The following CERS3 variants were observed in gnomAD, a reference collection of about 807,000 sequenced individuals.
CERS3 encodes the protein ceramide synthase 3, also known as LAG1 homolog, ceramide synthase 3.
Under a neutral mutation model 50.3 loss-of-function variants are expected in CERS3, and 33 were observed. The observed-to-expected ratio is 0.66, with a 90% CI of 0.50 to 0.88. CERS3 has a LOEUF of 0.88. Ranked by LOEUF, CERS3 falls within the 40% of genes least tolerant of loss-of-function variation. The pLI is 0.00. For synonymous variants in CERS3, 176 were observed against 155.2 expected, an observed-to-expected ratio of 1.13 and a Z score of -0.99; for missense variants, 470 against 460.3, an observed-to-expected ratio of 1.02 and a Z score of -0.19.
At chr15:100,410,446 C>T (rs1392447883) in intron 11 of CERS3, among the ~76,000 whole-genome samples, 3 of 152,158 alleles carry the variant, frequency 2.0e-5, no homozygotes, top group Non-Finnish European at 2.9e-5. Flanking sequence ...CCAGGAGAAA[C>T]TGAAAACCCT....
At chr15:100,435,634 A>C (rs923502976) in intron 11 of CERS3, among the ~76,000 whole-genome samples, 3 of 152,234 alleles carry the variant, frequency 2.0e-5, no homozygotes, top group African/African-American at 7.2e-5. Flanking sequence ...GGATCTAATT[A>C]AACTAAAGAG....
At chr15:100,483,787 A>ATTATTATTATTATTTTT (rs760594142) in intron 5 of CERS3, among the ~76,000 whole-genome samples, 17 of 100,026 alleles carry the variant, frequency 1.7e-4, no homozygotes, top group African/African-American at 6.5e-4. Flanking sequence ...TATTATTATT[A>ATTATTATTATTATTTTT]TTTTTTTTTT....
At chr15:100,472,494 TC>T (rs1306882387) in intron 9 of CERS3, among the ~76,000 whole-genome samples, 1 of 149,452 alleles carries the variant, frequency 6.7e-6, no homozygotes, top group African/African-American at 2.4e-5. Flanking sequence ...GGGATTGGGC[TC>T]GGGGAGGGGA....
chr15:100,435,325 G>C (rs1665247926), intron 11 of CERS3, among the ~76,000 whole-genome samples: 5 of 152,326 alleles, frequency 3.3e-5, no homozygotes, highest in Admixed American at 1.3e-4. Flanking sequence ...CAGGTCTGCT[G>C]TTGGAAACAG....
intron 11 of CERS3, among the ~76,000 whole-genome samples, chr15:100,410,854 T>C (rs2031425659): frequency 6.6e-6 from 1 of 152,168 alleles, no homozygotes; most frequent in African/African-American, 2.4e-5. Context: ...CATCTTTAAG[T>C]GTGTTCAGTG....
intron 11 of CERS3, among the ~76,000 whole-genome samples, chr15:100,410,135 G>A (rs1303407109): frequency 1.3e-5 from 2 of 152,112 alleles, no homozygotes; most frequent in African/African-American, 2.4e-5. Context: ...TTCACTCCAC[G>A]TTGGAAGGGG....
At chr15:100,472,506 G>T (rs1355583378) in intron 9 of CERS3, among the ~76,000 whole-genome samples, 1 of 152,146 alleles carries the variant, frequency 6.6e-6, no homozygotes, top group Non-Finnish European at 1.5e-5. Flanking sequence ...GGGGAGGGGA[G>T]GGTGGGGGAG....
intron 11 of CERS3, among the ~76,000 whole-genome samples, chr15:100,423,968 T>G (rs2032644277): frequency 6.7e-6 from 1 of 148,786 alleles, no homozygotes; most frequent in Non-Finnish European, 1.5e-5. Flanking sequence ...TGAGGTGGAG[T>G]TTTGCTCTTG....
intron 11 of CERS3, among the ~76,000 whole-genome samples, chr15:100,445,665 C>A (rs370556203): frequency 6.6e-6 from 1 of 152,190 alleles, no homozygotes. Flanking sequence ...GTTCCCACGC[C>A]GCCCCTAATC....
chr15:100,524,111 A>G (rs1489141719), intron 1 of CERS3, among the ~76,000 whole-genome samples: 3 of 152,166 alleles, frequency 2.0e-5, no homozygotes, highest in Non-Finnish European at 4.4e-5. Flanking sequence ...AGTTGATTTT[A>G]ATTTTCAGAC....
At position 100,402,545 on chromosome 15, in the gene CERS3, C is replaced by T. The variant is rs946814235; in HGVS notation, c.*168G>A. ...AATCCATGGGCATGCTTATATTTAACATTTTAACACAAGTTAACAACATTT... is the reference window on the plus strand; with the variant it reads ...AATCCATGGGCATGCTTATATTTAATATTTTAACACAAGTTAACAACATTT... On this transcript the variant is annotated 3_prime_UTR_variant, in exon 12 of 12. Transcript: ENST00000679737. The T allele has an allele frequency of 6.3e-5, 40 of 634,840 alleles. No homozygotes were observed. Among genetic ancestry groups the T allele is most frequent in the Non-Finnish European group, 1.0e-4 (39 of 374,028 alleles). The allele number at this position is 634,840 out of a possible 1,614,324, so 39.3% of individuals were successfully genotyped here. A position where few individuals can be genotyped will look rare whatever the true frequency, so the allele number is the denominator to read the frequency against.
chr15:100,469,306 C>G (rs1388428203), intron 10 of CERS3, 72 bp downstream of exon 10: 1 of 1,128,886 alleles, frequency 8.9e-7, no homozygotes, highest in African/African-American at 1.5e-5. Flanking sequence ...GGGCAATGCC[C>G]TGAGGGTAAC....
At chr15:100,483,787 A>ATTTTTTTT (rs10622678) in intron 5 of CERS3, among the ~76,000 whole-genome samples, 5,838 of 99,320 alleles carry the variant, frequency 0.059, 415 homozygotes, top group South Asian at 0.082. Context: ...TATTATTATT[A>ATTTTTTTT]TTTTTTTTTT....
intron 11 of CERS3, among the ~76,000 whole-genome samples, chr15:100,446,042 C>CT (rs1195638497): frequency 1.3e-5 from 2 of 152,252 alleles, no homozygotes; most frequent in East Asian, 3.9e-4. Flanking sequence ...AACAACCCCC[C>CT]TTTTTCCTTT....
intron 11 of CERS3, among the ~76,000 whole-genome samples, chr15:100,443,107 A>G (rs560938317): frequency 6.6e-6 from 1 of 151,962 alleles, no homozygotes; most frequent in Admixed American, 6.6e-5. Flanking sequence ...GGCTACAGCC[A>G]CACCTCATTA....
chr15:100,513,268 T>C (rs11631236), intron 2 of CERS3, among the ~76,000 whole-genome samples: 49,196 of 151,990 alleles, frequency 0.32, 8,117 homozygotes, highest in East Asian at 0.37. Flanking sequence ...CTGTCTCCTG[T>C]TGTATGCAGA....
chr15:100,467,709 A>G (rs2034792809), intron 10 of CERS3, among the ~76,000 whole-genome samples: 1 of 151,010 alleles, frequency 6.6e-6, no homozygotes, highest in South Asian at 2.1e-4. Context: ...AACTGTCATC[A>G]GCAAGTCAAT....
At chr15:100,457,188 AT>A (rs1176284403) in intron 10 of CERS3, among the ~76,000 whole-genome samples, 2 of 152,024 alleles carry the variant, frequency 1.3e-5, no homozygotes, top group African/African-American at 4.8e-5. Context: ...CAATTTTTTA[AT>A]TTTTTTATTA....
At chr15:100,468,945 A>C (rs1056233235) in intron 10 of CERS3, among the ~76,000 whole-genome samples, 2 of 152,240 alleles carry the variant, frequency 1.3e-5, no homozygotes, top group Non-Finnish European at 2.9e-5. Context: ...GTTATTGTGT[A>C]GACTAGAGCC....
Sources: gnomAD v4.1 joint callset for allele counts (sites outside exome capture counted in the v4.1 genomes callset) on GRCh38, gnomAD v4.1.1 for gene constraint, MANE v1.5 for transcripts, NCBI Gene and HGNC (gene_info 2026-07-23, HGNC 2026-07-21) for gene names.